The following KIAA0753 variants were observed in gnomAD, a reference collection of about 807,000 sequenced individuals.
KIAA0753 encodes protein moonraker.
Under a neutral mutation model 116.9 loss-of-function variants are expected in KIAA0753, and 114 were observed. The ratio of observed to expected loss-of-function variants is 0.98; its 90% CI spans 0.84 to 1.14. The LOEUF (loss-of-function observed/expected upper bound fraction) is 1.14. Among genes scored for constraint, KIAA0753 ranks in the 50% most tolerant of loss-of-function variants. KIAA0753 has a pLI of 0.00. For missense variants in KIAA0753, 1,156 were observed against 1,172.4 expected (o/e 0.99, Z 0.20); for synonymous variants, 405 against 413.1 (o/e 0.98, Z 0.24).
chr17:6,590,997 A>G (rs1968958475), intron 16 of KIAA0753, among the ~76,000 whole-genome samples: 1 of 92,986 alleles, frequency 1.1e-5, no homozygotes, highest in East Asian at 3.3e-4. Flanking sequence ...AAGAAAGAAG[A>G]AGGAAGAAGA....
chr17:6,608,348 C>G lies in KIAA0753; in HGVS notation c.1829G>C (p.Arg610Thr). ...LTGAVEHEAA[R>T]LAWLDAETSK... ...AGATCTGAAAAATACCAGCACAAAC[C>G]TGGCTGCTTCATGCTCAACAGCACC... is the stretch of plus-strand genomic sequence containing the variant. The change falls in exon 10 of 19, where the codon AGG becomes ACG. Residue 610 changes from arginine (R) to threonine (T), a missense_variant and splice_region_variant. Coordinates refer to ENST00000361413, the MANE Select transcript of KIAA0753 (RefSeq NM_014804.3). 1 of 1,430,424 alleles carries G rather than the reference C, an allele frequency of 7.0e-7. No homozygotes were observed. The highest frequency in any genetic ancestry group is 9.3e-7 in the Non-Finnish European group (1 of 1,070,914). The allele number at this position is 1,430,424 out of a possible 1,614,324, so 88.6% of individuals were successfully genotyped here.
chr17:6,624,728 C>G (rs1418001443), intron 4 of KIAA0753, 27 bp downstream of exon 4: 10 of 1,462,516 alleles, frequency 6.8e-6, no homozygotes, highest in South Asian at 1.2e-5. Context: ...AGGCTGACTG[C>G]CCTACTTCTC....
intron 12 of KIAA0753, among the ~76,000 whole-genome samples, chr17:6,604,987 T>C (rs1970100588): frequency 6.6e-6 from 1 of 150,976 alleles, no homozygotes; most frequent in South Asian, 2.1e-4. Context: ...AATTAACCTA[T>C]GCCTAACCCC....
intron 2 of KIAA0753, among the ~76,000 whole-genome samples, chr17:6,633,347 T>C (rs568790284): frequency 6.6e-6 from 1 of 152,294 alleles, no homozygotes; most frequent in South Asian, 2.1e-4. Flanking sequence ...CACGATAAGA[T>C]ATTATTAAAC....
rs1257023250 is a variant in KIAA0753, at chr17:6,639,684, T to C, written c.-69+953A>G. ...CTGTAAGACCGCCGCGGCTTGTCTCTACCCAGGAAGCTCGGCCAGGAACAC... is the reference window on the plus strand; with the variant it reads ...CTGTAAGACCGCCGCGGCTTGTCTCCACCCAGGAAGCTCGGCCAGGAACAC... On this transcript the variant is annotated intron_variant, in intron 1 of 18. Transcript: ENST00000361413. This position sits in a 1 kb window ranked among gnomAD's most constrained non-coding sequence, Gnocchi z 4.3. 1 of 152,970 alleles carries C rather than the reference T, an allele frequency of 6.5e-6. No homozygotes were observed. The highest frequency in any genetic ancestry group is 1.5e-5 in the Non-Finnish European group (1 of 68,394). 9.5% of individuals were successfully genotyped at this position (152,970 alleles called of 1,614,324 possible).
At chr17:6,630,741 TA>T (rs1230345390) in intron 2 of KIAA0753, among the ~76,000 whole-genome samples, 5 of 152,116 alleles carry the variant, frequency 3.3e-5, no homozygotes, top group African/African-American at 1.2e-4. Context: ...AATGAAGATA[TA>T]AAACAAAAAT....
intron 9 of KIAA0753, 88 bp from the exon 10 acceptor site, chr17:6,608,552 C>T (rs1220107422): frequency 1.6e-6 from 1 of 615,158 alleles, no homozygotes; most frequent in Non-Finnish European, 2.6e-6. Flanking sequence ...GAGATGACAA[C>T]AGCATTAAAT....
At chr17:6,618,554 C>T (rs951675567) in intron 7 of KIAA0753, among the ~76,000 whole-genome samples, 1 of 152,122 alleles carries the variant, frequency 6.6e-6, no homozygotes, top group Admixed American at 6.5e-5. Flanking sequence ...CAGTTGGTGT[C>T]CCCTGGAGAA....
intron 18 of KIAA0753, among the ~76,000 whole-genome samples, chr17:6,588,546 C>T (rs549556249): frequency 2.0e-5 from 3 of 152,100 alleles, no homozygotes; most frequent in Non-Finnish European, 4.4e-5. Context: ...TACTTTTGAT[C>T]CAGACAAAAA....
At position 6,598,162 on chromosome 17, in the gene KIAA0753, T is replaced by C. The variant is rs148509583; in HGVS notation, c.2172+1075A>G. On this transcript the variant is annotated intron_variant, in intron 14 of 18. Transcript: ENST00000361413. The stretch of plus-strand genomic sequence containing the variant: ...GCATTCATAATCACTTCATTTTCCT[T>C]TCATATTAAAGTGCAGTATGGAGTG... Among the ~76,000 whole-genome samples the C allele has an allele frequency of 9.4e-4, 143 of 152,330 alleles. 1 individual carries two copies. Among genetic ancestry groups the C allele is most frequent in the African/African-American group, 3.3e-3 (136 of 41,568 alleles).
intron 2 of KIAA0753, chr17:6,634,798 A>C (rs1381253067): frequency 2.0e-6 from 1 of 489,694 alleles, no homozygotes; most frequent in African/African-American, 1.9e-5. Context: ...AAGTATTCTC[A>C]AATATTTAGA....
At chr17:6,635,720 CT>C (rs1258969724) in intron 1 of KIAA0753, 1 of 152,514 alleles carries the variant, frequency 6.6e-6, no homozygotes, top group Non-Finnish European at 1.5e-5. Flanking sequence ...TTCCCCCAAT[CT>C]TTCCCCCACC....
At chr17:6,594,944 T>G in intron 16 of KIAA0753, 28 bp downstream of exon 16, 1 of 1,552,288 alleles carries the variant, frequency 6.4e-7, no homozygotes, top group Non-Finnish European at 8.8e-7. Context: ...AATAAAATGT[T>G]AGGGGAAAAA....
Position 6,607,284 on chromosome 17 carries a change from A to C in KIAA0753, c.1830-14T>G, listed in dbSNP as rs185109090. On this transcript the variant is annotated splice_polypyrimidine_tract_variant and intron_variant, in intron 10 of 18. Transcript: ENST00000361413. The stretch of plus-strand genomic sequence containing the variant: ...AGCCAAGCGAGCCTAGCAGACAGTC[A>C]AAAGAGTCAAACCAATTCTGCCTCG... 1.6e-4 allele frequency: 255 copies of C among 1,612,056 alleles called. No individual in the cohort carries two copies. Among genetic ancestry groups the C allele is most frequent in the Middle Eastern group, 5.0e-4 (3 of 6,060 alleles).
intron 1 of KIAA0753, 50 bp from the exon 2 acceptor site, chr17:6,635,221 A>C: frequency 2.7e-6 from 2 of 731,804 alleles, no homozygotes; most frequent in South Asian, 3.2e-5. Flanking sequence ...ACAAGGGAAA[A>C]GAACAGATAA....
chr17:6,617,877 C>T (rs976052763), intron 7 of KIAA0753, among the ~76,000 whole-genome samples: 2 of 152,144 alleles, frequency 1.3e-5, no homozygotes, highest in Admixed American at 6.5e-5. Flanking sequence ...CCAAGGCAGG[C>T]GGATCACCTG....
intron 4 of KIAA0753, among the ~76,000 whole-genome samples, chr17:6,624,193 CAATGTAAAG>C (rs1971507898): frequency 6.6e-6 from 1 of 152,172 alleles, no homozygotes; most frequent in Admixed American, 6.5e-5. Context: ...AAATCCATCA[CAATGTAAAG>C]AACGTAAATG....
intron 8 of KIAA0753, among the ~76,000 whole-genome samples, 166 bp from the exon 9 acceptor site, chr17:6,610,326 C>T (rs1181071650): frequency 2.0e-5 from 2 of 99,212 alleles, no homozygotes; most frequent in East Asian, 6.5e-4. Flanking sequence ...GTGTAAATTT[C>T]ATTGAAACAA....
intron 1 of KIAA0753, 178 bp downstream of exon 1, chr17:6,640,459 A>ACCCCCC (rs1378213533): frequency 1.7e-5 from 1 of 58,180 alleles, no homozygotes; most frequent in African/African-American, 6.6e-5. Context: ...CACCCATCCC[A>ACCCCCC]CCCCCGCCCA....
Sources: gnomAD v4.1 joint callset for allele counts (sites outside exome capture counted in the v4.1 genomes callset) on GRCh38, gnomAD v4.1.1 for gene constraint, Gnocchi (gnomAD v3.1) non-coding constraint, MANE v1.5 for transcripts, NCBI Gene and HGNC (gene_info 2026-07-23, HGNC 2026-07-21) for gene names.